KCND3: variants seen among roughly 807,000 people sequenced by gnomAD.
KCND3 encodes the protein A-type voltage-gated potassium channel KCND3.
In KCND3, 9 loss-of-function variants were observed where a neutral mutation model predicts 51.1. The ratio of observed to expected loss-of-function variants is 0.18; its 90% confidence interval spans 0.11 to 0.31. KCND3 has a LOEUF of 0.31. Ranked by LOEUF, KCND3 falls within the 10% of genes least tolerant of loss-of-function variation. The pLI is 1.00. For synonymous variants in KCND3, 349 were observed against 368.0 expected (o/e 0.95, Z 0.59); for missense variants, 526 against 903.8 (o/e 0.58, Z 5.36).
chr1:111,822,012 C>T (rs1019991899), intron 2 of KCND3, among the ~76,000 whole-genome samples: 33 of 152,072 alleles, frequency 2.2e-4, no homozygotes, highest in African/African-American at 6.0e-4. Context: ...ATTGGTCTCT[C>T]CATGCCCTTG....
At chr1:111,958,476 G>A (rs1300409596) in intron 2 of KCND3, among the ~76,000 whole-genome samples, 3 of 152,206 alleles carry the variant, frequency 2.0e-5, no homozygotes, top group Non-Finnish European at 4.4e-5. Flanking sequence ...GTTCTCTGAT[G>A]TATGACCAGA....
At chr1:111,794,378 G>A (rs1440858403) in intron 2 of KCND3, among the ~76,000 whole-genome samples, 1 of 152,224 alleles carries the variant, frequency 6.6e-6, no homozygotes, top group Non-Finnish European at 1.5e-5. Flanking sequence ...CTGCCTGTGT[G>A]GTGGGGAGTC....
At chr1:111,920,417 TA>T (rs1023085512) in intron 2 of KCND3, among the ~76,000 whole-genome samples, 2 of 152,242 alleles carry the variant, frequency 1.3e-5, no homozygotes, top group Non-Finnish European at 2.9e-5. Flanking sequence ...CAGTGGCTTC[TA>T]AAAATAGCCA....
At chr1:111,986,000 G>T (rs1218616786) in intron 1 of KCND3, among the ~76,000 whole-genome samples, 1 of 152,228 alleles carries the variant, frequency 6.6e-6, no homozygotes, top group Non-Finnish European at 1.5e-5. Context: ...TGATAGAAGA[G>T]TCAGGAACAC....
chr1:111,840,358 G>A (rs377696783), intron 2 of KCND3, among the ~76,000 whole-genome samples: 1 of 152,080 alleles, frequency 6.6e-6, no homozygotes, highest in East Asian at 1.9e-4. Context: ...CTTCTGACGG[G>A]CCCCGCACCT....
chr1:111,803,544 C>T (rs1395538358), intron 2 of KCND3, among the ~76,000 whole-genome samples: 1 of 152,164 alleles, frequency 6.6e-6, no homozygotes, highest in Admixed American at 6.5e-5. Flanking sequence ...TCTCCTCACC[C>T]CGTCAGAGAA....
intron 2 of KCND3, among the ~76,000 whole-genome samples, chr1:111,857,853 T>G (rs1237868555): frequency 6.6e-6 from 1 of 152,100 alleles, no homozygotes; most frequent in Non-Finnish European, 1.5e-5. Flanking sequence ...AATTTCACTT[T>G]TTTTGCAATC....
chr1:111,831,066 C>A (rs932209732), intron 2 of KCND3, among the ~76,000 whole-genome samples: 1 of 152,242 alleles, frequency 6.6e-6, no homozygotes, highest in Non-Finnish European at 1.5e-5. Flanking sequence ...GCAGCACCCT[C>A]CTGGCCTGGA....
intron 2 of KCND3, among the ~76,000 whole-genome samples, chr1:111,873,132 A>G (rs1390972998): frequency 2.0e-5 from 3 of 152,226 alleles, no homozygotes; most frequent in Non-Finnish European, 4.4e-5. Context: ...ATGCTGATCC[A>G]GTCCTGGCCT....
Position 111,983,494 on chromosome 1 carries a change from A to C in KCND3, c.-72-696T>G, listed in dbSNP as rs564974585. Reference sequence around the variant, plus strand: ...CCTAGTATCAAATTTTTCCCCTCAGACCCTCAGAGCCATGATGGAAAGACG... The same window carrying C: ...CCTAGTATCAAATTTTTCCCCTCAGCCCCTCAGAGCCATGATGGAAAGACG... On this transcript the variant is annotated intron_variant, in intron 1 of 7. Coordinates refer to ENST00000302127, the MANE Select transcript of KCND3 (RefSeq NM_001378969.1). Among the ~76,000 whole-genome samples the C allele has an allele frequency of 2.0e-5, 3 of 151,950 alleles. No homozygotes were observed. In the Middle Eastern group the frequency reaches 0.01, roughly 520 times the overall value.
Position 111,982,617 on chromosome 1 carries a change from C to A in KCND3, c.110G>T (p.Arg37Leu), listed in dbSNP as rs1675021542. The A allele has an allele frequency of 6.2e-7, 1 of 1,613,790 alleles. No individual in the cohort carries two copies. Among genetic ancestry groups the A allele is most frequent in the Non-Finnish European group, 8.5e-7 (1 of 1,179,886 alleles). The change falls in exon 2 of 8, where the codon CGG (arginine) becomes CTG (leucine). Residue 37 changes from arginine to leucine, a missense_variant. Coordinates refer to ENST00000302127, the MANE Select transcript of KCND3 (RefSeq NM_001378969.1). This position sits in a 1 kb window ranked among gnomAD's most constrained non-coding sequence, Gnocchi z 8.5. ...GTTGAGGACAATCAGCTCATCCTGC[C>A]GCTTGTTCTTGTCGGCCGGGGCCAG... ...MPLAPADKNK[R>L]QDELIVLNVS...
chr1:111,840,929 C>A (rs1266096434), intron 2 of KCND3, among the ~76,000 whole-genome samples: 2 of 152,166 alleles, frequency 1.3e-5, no homozygotes, highest in African/African-American at 4.8e-5. Context: ...AGAGGGGACA[C>A]CACAGTGAAG....
At chr1:111,923,390 C>A (rs746013999) in intron 2 of KCND3, among the ~76,000 whole-genome samples, 49 of 152,316 alleles carry the variant, frequency 3.2e-4, no homozygotes, top group Admixed American at 5.9e-4. Flanking sequence ...CTGAGATGTG[C>A]CCCAAGATTG....
intron 2 of KCND3, among the ~76,000 whole-genome samples, chr1:111,847,684 T>A (rs1019527926): frequency 4.6e-5 from 7 of 152,118 alleles, no homozygotes; most frequent in African/African-American, 1.7e-4. Flanking sequence ...AATATAATTA[T>A]CCTTAATCAA....
intron 2 of KCND3, among the ~76,000 whole-genome samples, chr1:111,887,490 T>C (rs1669622373): frequency 6.6e-6 from 1 of 152,188 alleles, no homozygotes; most frequent in Admixed American, 6.5e-5. Context: ...GGGGCCCAGC[T>C]GGGCCAGCTC....
intron 2 of KCND3, among the ~76,000 whole-genome samples, chr1:111,892,916 A>G (rs1234150015): frequency 6.6e-6 from 1 of 152,238 alleles, no homozygotes; most frequent in Admixed American, 6.5e-5. Context: ...ACGACACACC[A>G]AAGTATCCTC....
chr1:111,910,535 A>T (rs1043721290), intron 2 of KCND3, among the ~76,000 whole-genome samples: 1 of 152,216 alleles, frequency 6.6e-6, no homozygotes, highest in African/African-American at 2.4e-5. Context: ...CAGTGACAGC[A>T]GCTTAGTCCC....
chr1:111,882,407 C>G (rs897030747), intron 2 of KCND3, among the ~76,000 whole-genome samples: 4 of 152,352 alleles, frequency 2.6e-5, no homozygotes, highest in African/African-American at 9.6e-5. Flanking sequence ...AGATGACCTG[C>G]TGCTGGTCTT....
intron 2 of KCND3, among the ~76,000 whole-genome samples, chr1:111,825,822 C>T (rs1557961009): frequency 6.6e-6 from 1 of 152,158 alleles, no homozygotes; most frequent in Non-Finnish European, 1.5e-5. Flanking sequence ...CTGATTCTTT[C>T]TAATTTTTGC....
Sources: allele counts gnomAD v4.1 joint callset (sites outside exome capture counted in the v4.1 genomes callset), GRCh38; gene constraint gnomAD v4.1.1; non-coding constraint Gnocchi (gnomAD v3.1); transcripts MANE v1.5; gene names NCBI Gene and HGNC (gene_info 2026-07-23, HGNC 2026-07-21).